TMEM132B: variants seen among roughly 807,000 people sequenced by gnomAD.
TMEM132B encodes transmembrane protein 132B.
A neutral mutation model predicts 90.8 loss-of-function variants in TMEM132B; 18 were observed. That is an observed-to-expected ratio of 0.20 (90% CI 0.14 to 0.29). The LOEUF is 0.29. TMEM132B is among the 10% of genes least tolerant of loss of function. The pLI is 1.00. For synonymous variants in TMEM132B, 504 were observed against 523.3 expected (o/e 0.96, Z 0.50); for missense variants, 1,096 against 1,326.8 (o/e 0.83, Z 2.70).
At chr12:125,501,260 T>C (rs112472825) in intron 3 of TMEM132B, among the ~76,000 whole-genome samples, 2,865 of 152,354 alleles carry the variant, frequency 0.019, 33 homozygotes, top group African/African-American at 0.036. Context: ...TTTTAGTATA[T>C]GTATGTTCTA....
In TMEM132B at chr12:125,408,677, C is replaced by G. The variant is rs549679394; in HGVS notation, c.960-6854C>G. Among the ~76,000 whole-genome samples, 31 of 152,144 alleles carry G rather than the reference C, an allele frequency of 2.0e-4. No individual in the cohort carries two copies. Among genetic ancestry groups the G allele is most frequent in the Non-Finnish European group, 4.0e-4 (27 of 68,026 alleles). The stretch of plus-strand genomic sequence containing the variant: ...GGGCTGATGGCAGGGCTGTCGTGCA[C>G]CTTCTTGTATGTGTGTCTTGGGGAA... On this transcript the variant is annotated intron_variant, in intron 2 of 8. Coordinates refer to ENST00000682704, the MANE Select transcript of TMEM132B (RefSeq NM_001366854.1). This position sits in a 1 kb window ranked among gnomAD's most constrained non-coding sequence, Gnocchi z 5.9.
chr12:125,458,193 C>T lies in TMEM132B; in HGVS notation c.1106+42516C>T, dbSNP rs1273404102. On this transcript the variant is annotated intron_variant, in intron 3 of 8. Coordinates refer to ENST00000682704, the MANE Select transcript of TMEM132B (RefSeq NM_001366854.1). This position sits in a 1 kb window ranked among gnomAD's most constrained non-coding sequence, Gnocchi z 4.9. ...GGAGCTGAGTGGGAGGCAGTGGCGTCCCTGAGGCCAAAAACAAGGGCCTTG... is the reference window on the plus strand; with the variant it reads ...GGAGCTGAGTGGGAGGCAGTGGCGTTCCTGAGGCCAAAAACAAGGGCCTTG... Among the ~76,000 whole-genome samples, 3 of 151,794 alleles carry T rather than the reference C, an allele frequency of 2.0e-5. No individual in the cohort carries two copies. The highest frequency in any genetic ancestry group is 4.8e-5 in the African/African-American group (2 of 41,318).
chr12:125,531,116 C>T (rs1883634926), intron 4 of TMEM132B, among the ~76,000 whole-genome samples: 1 of 152,212 alleles, frequency 6.6e-6, no homozygotes, highest in South Asian at 2.1e-4. Context: ...CTCTGCTAAT[C>T]AGGACAGGAC....
chr12:125,411,147 T>TGGA (rs1242550151), intron 2 of TMEM132B, among the ~76,000 whole-genome samples: 2 of 38,794 alleles, frequency 5.2e-5, no homozygotes, highest in African/African-American at 2.6e-4. Context: ...GTGGAGTGAG[T>TGGA]GGAGTGGAGG....
chr12:125,500,684 G>A (rs1882673292), intron 3 of TMEM132B, among the ~76,000 whole-genome samples: 1 of 152,162 alleles, frequency 6.6e-6, no homozygotes, highest in Non-Finnish European at 1.5e-5. Flanking sequence ...AAAATACTGG[G>A]TACTATCAGG....
chr12:125,252,474 C>T lies in TMEM132B; in HGVS notation c.67+65608C>T, dbSNP rs73410502. Among the ~76,000 whole-genome samples, 484 of 152,270 alleles carry T rather than the reference C, an allele frequency of 3.2e-3. 4 individuals are homozygous for T. Among genetic ancestry groups the T allele is most frequent in the African/African-American group, 0.011 (469 of 41,550 alleles). On this transcript the variant is annotated intron_variant, in intron 1 of 8. Coordinates refer to ENST00000682704, the MANE Select transcript of TMEM132B (RefSeq NM_001366854.1). ...AGAGAGAATCTGATTGGCTCACCTA[C>T]AAGCAGGTGTCGTGCGCTGGTCCAA...
At chr12:125,613,206 A>C (rs1272136693) in intron 5 of TMEM132B, among the ~76,000 whole-genome samples, 3 of 106,174 alleles carry the variant, frequency 2.8e-5, no homozygotes, top group African/African-American at 1.0e-4. Flanking sequence ...TTATATATAT[A>C]TTATACACCC....
chr12:125,650,604 C>G, intron 6 of TMEM132B, 79 bp from the exon 7 acceptor site: 1 of 1,527,520 alleles, frequency 6.5e-7, no homozygotes, highest in Non-Finnish European at 8.9e-7. Flanking sequence ...TGTGGGCTCA[C>G]CTAGAATCTG....
At chr12:125,322,586 G>T (rs907861001) in intron 1 of TMEM132B, among the ~76,000 whole-genome samples, 15 of 152,140 alleles carry the variant, frequency 9.9e-5, no homozygotes, top group African/African-American at 3.6e-4. Context: ...AAACTAAATT[G>T]TGGCAATGGT....
At chr12:125,543,407 G>A (rs1171701048) in intron 4 of TMEM132B, among the ~76,000 whole-genome samples, 2 of 152,224 alleles carry the variant, frequency 1.3e-5, no homozygotes, top group Admixed American at 6.5e-5. Flanking sequence ...AATTTACATC[G>A]TTTTAGGTCT....
chr12:125,229,822 C>T (rs1285854028), intron 1 of TMEM132B, among the ~76,000 whole-genome samples: 1 of 152,210 alleles, frequency 6.6e-6, no homozygotes, highest in Non-Finnish European at 1.5e-5. Flanking sequence ...TTGCACGCTC[C>T]CAGTCGCCTA....
intron 4 of TMEM132B, among the ~76,000 whole-genome samples, chr12:125,566,867 G>A (rs1293053799): frequency 1.0e-5 from 1 of 99,370 alleles, no homozygotes; most frequent in African/African-American, 3.9e-5. Context: ...TTTTTTAGAT[G>A]GAGTCTTGCA....
rs541563927 is a variant in TMEM132B at position 125,326,753 on chromosome 12, A to G, written c.68-22699A>G. ...CCAAGGGGAGGTTTTCCTATGTCCT[A>G]TTCAGATTCTCCCTTTGCAGCAAAC... On this transcript the variant is annotated intron_variant, in intron 1 of 8. Transcript: ENST00000682704. The G allele has an allele frequency of 2.5e-5, 36 of 1,417,512 alleles. No homozygotes were observed. In the East Asian group the frequency reaches 5.3e-4, roughly 21 times the overall value. The allele number at this position is 1,417,512 out of a possible 1,614,324, so 87.8% of individuals were successfully genotyped here.
chr12:125,434,388 C>T (rs566878631), intron 3 of TMEM132B, among the ~76,000 whole-genome samples: 8 of 152,320 alleles, frequency 5.3e-5, no homozygotes, highest in East Asian at 1.9e-4. Flanking sequence ...GGGATTAGGA[C>T]GTGGCTGTCT....
At chr12:125,454,492 A>AC (rs1291931503) in intron 3 of TMEM132B, among the ~76,000 whole-genome samples, 2 of 152,000 alleles carry the variant, frequency 1.3e-5, no homozygotes, top group African/African-American at 4.8e-5. Flanking sequence ...CTGTAATGAA[A>AC]CCAAGTGCTA....
chr12:125,351,393 G>A (rs1220804473), intron 2 of TMEM132B, among the ~76,000 whole-genome samples: 1 of 152,228 alleles, frequency 6.6e-6, no homozygotes, highest in African/African-American at 2.4e-5. Context: ...AGAGAGTTAT[G>A]TGTGTTGCAG....
At chr12:125,337,896 C>G (rs1877024961) in intron 1 of TMEM132B, among the ~76,000 whole-genome samples, 1 of 152,188 alleles carries the variant, frequency 6.6e-6, no homozygotes, top group Admixed American at 6.5e-5. Context: ...TCCCCAAAGT[C>G]CGCCACTTCT....
intron 5 of TMEM132B, among the ~76,000 whole-genome samples, chr12:125,589,833 A>T (rs1233171788): frequency 6.6e-6 from 1 of 152,062 alleles, no homozygotes; most frequent in African/African-American, 2.4e-5. Context: ...ACCTTCCACC[A>T]GGCCCCACCT....
chr12:125,446,507 G>C (rs1881009429), intron 3 of TMEM132B, among the ~76,000 whole-genome samples: 1 of 152,072 alleles, frequency 6.6e-6, no homozygotes, highest in East Asian at 1.9e-4. Flanking sequence ...TTGAATCCTG[G>C]CTCTGTAATT....
Sources: allele counts gnomAD v4.1 joint callset (sites outside exome capture counted in the v4.1 genomes callset), GRCh38; gene constraint gnomAD v4.1.1; non-coding constraint Gnocchi (gnomAD v3.1); transcripts MANE v1.5; gene names NCBI Gene and HGNC (gene_info 2026-07-23, HGNC 2026-07-21).